The following GRK5 variants were observed in gnomAD, a reference collection of about 807,000 sequenced individuals.
GRK5 encodes the protein G protein-coupled receptor kinase 5, also known as g protein-coupled receptor kinase GRK5.
Under a neutral mutation model 78.4 loss-of-function variants are expected in GRK5, and 40 were observed. The ratio of observed to expected loss-of-function variants is 0.51; its 90% CI spans 0.40 to 0.66. The LOEUF (loss-of-function observed/expected upper bound fraction) is 0.66. Ranked by LOEUF, GRK5 falls within the 30% of genes least tolerant of loss-of-function variation. The probability of loss-of-function intolerance (pLI) is 0.00; values close to 1 mark genes in which losing one functional copy is unlikely to be tolerated. For missense variants in GRK5, 598 were observed against 759.9 expected, an observed-to-expected ratio of 0.79 and a Z score of 2.50; for synonymous variants, 289 against 296.8, an observed-to-expected ratio of 0.97 and a Z score of 0.27.
At chr10:119,381,946 C>T (rs540158438) in intron 3 of GRK5, among the ~76,000 whole-genome samples, 1 of 152,324 alleles carries the variant, frequency 6.6e-6, no homozygotes, top group East Asian at 1.9e-4. Context: ...CTGGACATCT[C>T]CACTGAAGTC....
chr10:119,226,534 T>C (rs1451738589), intron 1 of GRK5, among the ~76,000 whole-genome samples: 2 of 150,770 alleles, frequency 1.3e-5, no homozygotes, highest in Admixed American at 1.3e-4. Flanking sequence ...CTGGTAACTT[T>C]GTGTCTCTGT....
intron 5 of GRK5, 125 bp downstream of exon 5, chr10:119,423,391 A>G (rs1262794244): frequency 1.5e-6 from 1 of 670,934 alleles, no homozygotes; most frequent in Non-Finnish European, 2.7e-6. Flanking sequence ...CAGCCAAGTT[A>G]TACCAACTGT....
intron 1 of GRK5, chr10:119,211,712 T>C (rs1415019737): frequency 3.3e-5 from 5 of 152,240 alleles, no homozygotes; most frequent in Admixed American, 2.6e-4. Flanking sequence ...GAACCGTTTT[T>C]TCAGGTAACT....
chr10:119,399,628 G>A (rs1852114342), intron 4 of GRK5, among the ~76,000 whole-genome samples: 1 of 152,196 alleles, frequency 6.6e-6, no homozygotes, highest in Non-Finnish European at 1.5e-5. Context: ...GTAATACCAT[G>A]TCTCCCCCGG....
chr10:119,442,739 A>G (rs985496916), intron 11 of GRK5, among the ~76,000 whole-genome samples: 7 of 152,230 alleles, frequency 4.6e-5, no homozygotes, highest in Non-Finnish European at 8.8e-5. Flanking sequence ...TGGTACTGAC[A>G]GCAGCTGCAC....
At position 119,308,612 on chromosome 10, in the gene GRK5, G is replaced by A. The variant is rs956196482; in HGVS notation, c.53-17904G>A. Among the ~76,000 whole-genome samples the A allele has an allele frequency of 8.5e-5, 13 of 152,230 alleles. 1 individual carries two copies. The highest frequency in any genetic ancestry group is 8.5e-4 in the Admixed American group (13 of 15,290). On this transcript the variant is annotated intron_variant, in intron 1 of 15. Transcript: ENST00000392870. ...TGTGTTTTTCTTCCCGGTGACGTTG[G>A]GCCGGTCAGCCCGCGTCTTCGTAGC...
chr10:119,384,406 C>T (rs1851760291), intron 3 of GRK5, among the ~76,000 whole-genome samples: 1 of 152,224 alleles, frequency 6.6e-6, no homozygotes, highest in Non-Finnish European at 1.5e-5. Context: ...AATGGCTCTG[C>T]CACCATCTGT....
At position 119,253,905 on chromosome 10, in the gene GRK5, A is replaced by G. The variant is rs11198846; in HGVS notation, c.52+45936A>G. On this transcript the variant is annotated intron_variant, in intron 1 of 15. Transcript: ENST00000392870. This position sits in a 1 kb window ranked among gnomAD's most constrained non-coding sequence, Gnocchi z 5.7. ...GTGTGTGCGTGCATGCTTTTTCATG[A>G]GGCACACTTATTTTCAGATGTTCAC... Among the ~76,000 whole-genome samples the G allele has an allele frequency of 0.15, 23,448 of 151,772 alleles. 1,904 individuals carry two copies. The highest frequency in any genetic ancestry group is 0.2 in the Middle Eastern group (59 of 294).
At chr10:119,292,933 G>T (rs535466377) in intron 1 of GRK5, among the ~76,000 whole-genome samples, 2 of 151,938 alleles carry the variant, frequency 1.3e-5, no homozygotes, top group South Asian at 4.2e-4. Flanking sequence ...GGCCAACTGC[G>T]TGTTGACTTT....
intron 1 of GRK5, chr10:119,213,295 G>T (rs1366661629): frequency 2.6e-5 from 4 of 152,320 alleles, no homozygotes; most frequent in Non-Finnish European, 5.9e-5. Context: ...CGGATCACCT[G>T]AGGTCAGGAG....
intron 1 of GRK5, among the ~76,000 whole-genome samples, chr10:119,251,061 T>G (rs180846714): frequency 6.6e-6 from 1 of 152,280 alleles, no homozygotes; most frequent in East Asian, 1.9e-4. Context: ...TGGTTTTGTG[T>G]GTGTTTTCAA....
intron 1 of GRK5, among the ~76,000 whole-genome samples, chr10:119,297,394 G>C (rs1850102332): frequency 6.6e-6 from 1 of 152,132 alleles, no homozygotes; most frequent in Non-Finnish European, 1.5e-5. Flanking sequence ...CTGCAGATGG[G>C]TGAAGAGTCT....
chr10:119,214,728 C>T (rs1848543791), intron 1 of GRK5, among the ~76,000 whole-genome samples: 1 of 152,114 alleles, frequency 6.6e-6, no homozygotes, highest in African/African-American at 2.4e-5. Flanking sequence ...CCCTGTTGCC[C>T]AGGTTGGTCT....
intron 1 of GRK5, among the ~76,000 whole-genome samples, chr10:119,227,497 G>A (rs928404328): frequency 6.6e-6 from 1 of 152,142 alleles, no homozygotes; most frequent in Non-Finnish European, 1.5e-5. Context: ...TTGAACCCGG[G>A]AGGCAGAGAT....
intron 1 of GRK5, among the ~76,000 whole-genome samples, chr10:119,268,781 G>T (rs1039595656): frequency 1.3e-5 from 2 of 152,226 alleles, no homozygotes; most frequent in Non-Finnish European, 2.9e-5. Context: ...AATGAATAGG[G>T]TTGGACTGGT....
chr10:119,437,591 C>T (rs1852947772), intron 9 of GRK5, among the ~76,000 whole-genome samples: 1 of 152,172 alleles, frequency 6.6e-6, no homozygotes, highest in Admixed American at 6.5e-5. Flanking sequence ...CAATTGATTT[C>T]CACCTGCATT....
intron 2 of GRK5, among the ~76,000 whole-genome samples, chr10:119,346,770 G>A (rs886831942): frequency 3.3e-5 from 5 of 152,134 alleles, no homozygotes; most frequent in Admixed American, 6.5e-5. Flanking sequence ...CCCAGGCTCC[G>A]GCAGAGGCAA....
chr10:119,403,070 C>G (rs1313568367), intron 4 of GRK5, among the ~76,000 whole-genome samples: 1 of 152,242 alleles, frequency 6.6e-6, no homozygotes, highest in African/African-American at 2.4e-5. Context: ...CCCCTTTCCT[C>G]CCAGGCCCTG....
rs114060345 is a variant in GRK5, at chr10:119,421,244, G to A, written c.340-1922G>A. On this transcript the variant is annotated intron_variant, in intron 4 of 15. Coordinates refer to ENST00000392870, the MANE Select transcript of GRK5 (RefSeq NM_005308.3). ...CTGAAGCAGATTTGCCCAGGGCCTCGGGATTTGTGCTAATATTCAGTTGCT... is the reference window on the plus strand; with the variant it reads ...CTGAAGCAGATTTGCCCAGGGCCTCAGGATTTGTGCTAATATTCAGTTGCT... 5.9e-3 allele frequency among the ~76,000 whole-genome samples: 893 copies of A among 152,318 alleles called. 4 individuals are homozygous for A. Among genetic ancestry groups the A allele is most frequent in the African/African-American group, 0.02 (842 of 41,566 alleles).
Sources: allele counts gnomAD v4.1 joint callset (sites outside exome capture counted in the v4.1 genomes callset), GRCh38; gene constraint gnomAD v4.1.1; non-coding constraint Gnocchi (gnomAD v3.1); transcripts MANE v1.5; gene names NCBI Gene and HGNC (gene_info 2026-07-23, HGNC 2026-07-21).